CDHR2: variants seen among roughly 807,000 people sequenced by gnomAD.
CDHR2 encodes the protein cadherin-related family member 2.
A neutral mutation model predicts 138.6 loss-of-function variants in CDHR2; 104 were observed. That is an observed-to-expected ratio of 0.75 (90% confidence interval 0.64 to 0.88). CDHR2 has a LOEUF of 0.88. Ranked by LOEUF, CDHR2 falls within the 40% of genes least tolerant of loss-of-function variation. CDHR2 has a pLI of 0.00. For missense variants in CDHR2, 1,624 were observed against 1,727.6 expected (o/e 0.94, Z 1.06); for synonymous variants, 755 against 742.8 (o/e 1.02, Z -0.27).
chr5:176,551,191 T>C (rs887402986), intron 1 of CDHR2, among the ~76,000 whole-genome samples: 4 of 152,028 alleles, frequency 2.6e-5, no homozygotes, highest in Admixed American at 2.0e-4. Context: ...TTTTGTGAGA[T>C]GGAGTCTTGC....
At chr5:176,585,144 G>A in intron 19 of CDHR2, 129 bp downstream of exon 19, 1 of 1,172,438 alleles carries the variant, frequency 8.5e-7, no homozygotes, top group Non-Finnish European at 1.2e-6. Context: ...GCAAATACTG[G>A]GAAAGTCCCA....
chr5:176,560,495 G>A lies in CDHR2; in HGVS notation c.-15-4843G>A, dbSNP rs150879535. ...TAGTCCTCATCTCTTGCAGGAAGGA[G>A]TGTCAAAAGATCTGTGGTCATGTTT... On this transcript the variant is annotated intron_variant, in intron 1 of 31. Transcript: ENST00000261944. Among the ~76,000 whole-genome samples, 27 of 152,198 alleles carry A rather than the reference G, an allele frequency of 1.8e-4. No homozygotes were observed. The East Asian group carries it at 3.1e-3, about 17-fold the overall frequency.
chr5:176,553,513 C>T lies in CDHR2; in HGVS notation c.-16+4099C>T, dbSNP rs556164040. On this transcript the variant is annotated intron_variant, in intron 1 of 31. Coordinates refer to ENST00000261944, the MANE Select transcript of CDHR2 (RefSeq NM_017675.6). This position sits in a 1 kb window ranked among gnomAD's most constrained non-coding sequence, Gnocchi z 4.3. ...ATCTTGATACCTGCTGGCTGCACAC[C>T]TAGTGACTAATTGTCCCGTGGCAGT... is the stretch of plus-strand genomic sequence containing the variant. Among the ~76,000 whole-genome samples the T allele has an allele frequency of 1.3e-5, 2 of 152,270 alleles. No individual in the cohort carries two copies. The highest frequency in any genetic ancestry group is 4.8e-5 in the African/African-American group (2 of 41,528).
At chr5:176,586,660 A>G (rs1758676206) in intron 20 of CDHR2, 133 bp from the exon 21 acceptor site, 3 of 730,612 alleles carry the variant, frequency 4.1e-6, no homozygotes, top group Non-Finnish European at 2.3e-6. Context: ...GGTGGCTGTA[A>G]TAGGGGTCTC....
upstream of CDHR2, chr5:176,547,757 G>A (rs1172798594): frequency 1.3e-5 from 2 of 152,180 alleles, no homozygotes; most frequent in African/African-American, 4.8e-5. Context: ...CCTCAATTCA[G>A]GCGTAGATTA....
At chr5:176,542,748 G>C (rs1317588120) in exon 1 of CDHR2, 1 of 152,316 alleles carries the variant, frequency 6.6e-6, no homozygotes, top group African/African-American at 2.4e-5. Flanking sequence ...GGACCCCGCA[G>C]CGTTCCGACA....
upstream of CDHR2, among the ~76,000 whole-genome samples, chr5:176,546,400 C>T (rs1197350933): frequency 2.6e-5 from 4 of 152,046 alleles, no homozygotes; most frequent in Admixed American, 1.3e-4. Context: ...CATGCCCCCA[C>T]GAAAACTAAC....
At chr5:176,560,566 C>T (rs779868744) in intron 1 of CDHR2, among the ~76,000 whole-genome samples, 42 of 152,198 alleles carry the variant, frequency 2.8e-4, no homozygotes, top group Admixed American at 3.9e-4. Flanking sequence ...ACTCTCATCA[C>T]GCCCACATCC....
chr5:176,575,701 T>C, intron 10 of CDHR2, 23 bp from the exon 11 acceptor site: 1 of 1,591,308 alleles, frequency 6.3e-7, no homozygotes, highest in Non-Finnish European at 8.6e-7. Context: ...CTGTTCCAGC[T>C]GTTCCGCCTT....
intron 10 of CDHR2, 41 bp downstream of exon 10, chr5:176,575,622 C>T (rs2113298092): frequency 6.2e-7 from 1 of 1,608,164 alleles, no homozygotes; most frequent in Non-Finnish European, 8.5e-7. Flanking sequence ...GGGCCGGGGC[C>T]AGGGTGGGGT....
chr5:176,542,595 G>A (rs1757474973), exon 1 of CDHR2: 1 of 152,186 alleles, frequency 6.6e-6, no homozygotes, highest in Non-Finnish European at 1.5e-5. Context: ...AGGAAGACAA[G>A]TCTACCCGAA....
Position 176,581,354 on chromosome 5 carries a change from T to C in CDHR2, c.1830T>C (p.Asn610=). 5 of 1,613,386 alleles carry C rather than the reference T, an allele frequency of 3.1e-6. No homozygotes were observed. The highest frequency in any genetic ancestry group is 2.5e-6 in the Non-Finnish European group (3 of 1,179,982). ...GCTTACGTGCACAGGCCCACGACAA[T>C]GATGAGCCGGGCACCAACAACAGCC... ...NVSVTIQAHD[N]DEPGTNNSRL... is the part of the protein sequence containing the mutation. The change falls in exon 17 of 32, where the codon AAT becomes AAC. Residue 610 remains asparagine (N), a synonymous_variant. Transcript: ENST00000261944.
At position 176,573,114 on chromosome 5, in the gene CDHR2, C is replaced by T. The variant is rs199590519; in HGVS notation, c.406-969C>T. On this transcript the variant is annotated intron_variant, in intron 6 of 31. Coordinates refer to ENST00000261944, the MANE Select transcript of CDHR2 (RefSeq NM_017675.6). ...GGGGATGCTCCAGGAAGGGGTGCTC[C>T]AGGCAGGGGGAACAACAGGTGCAAA... 5.9e-5 allele frequency among the ~76,000 whole-genome samples: 9 copies of T among 152,194 alleles called. No individual in the cohort carries two copies. The East Asian group carries it at 1.7e-3, about 29-fold the overall frequency.
In CDHR2 at chr5:176,553,556, A is replaced by G. The variant is rs1355145156; in HGVS notation, c.-16+4142A>G. Among the ~76,000 whole-genome samples, 2 of 152,142 alleles carry G rather than the reference A, an allele frequency of 1.3e-5. No homozygotes were observed. Among genetic ancestry groups the G allele is most frequent in the African/African-American group, 4.8e-5 (2 of 41,420 alleles). ...GTGGCAGTTGACTCATTTCTGAAGG[A>G]CAGAACATGAGAGAAAAAAGTGAGG... On this transcript the variant is annotated intron_variant, in intron 1 of 31. Coordinates refer to ENST00000261944, the MANE Select transcript of CDHR2 (RefSeq NM_017675.6). This position sits in a 1 kb window ranked among gnomAD's most constrained non-coding sequence, Gnocchi z 4.3.
Position 176,576,280 on chromosome 5 carries a change from T to C in CDHR2, c.1194+95T>C. On this transcript the variant is annotated intron_variant, in intron 12 of 31. Transcript: ENST00000261944. The surrounding 1 kb of genome is among the most constrained non-coding windows in gnomAD (Gnocchi z 4.5). ...GGTGTCATGTGGTGCTGGGTGGCGG[T>C]GCTGGTGGTGCAGGGTGTGATGGCG... 1.0e-6 allele frequency: 1 copy of C among 974,390 alleles called. No homozygotes were observed. The highest frequency in any genetic ancestry group is 1.5e-6 in the Non-Finnish European group (1 of 649,838). The allele number at this position is 974,390 out of a possible 1,614,324, so 60.4% of individuals were successfully genotyped here. A position where few individuals can be genotyped will look rare whatever the true frequency, so the allele number is the denominator to read the frequency against.
chr5:176,573,714 C>G (rs73806010), intron 6 of CDHR2, among the ~76,000 whole-genome samples: 3 of 152,082 alleles, frequency 2.0e-5, no homozygotes, highest in African/African-American at 2.4e-5. Flanking sequence ...CCCAAAGAAG[C>G]CTCCAGCTCT....
At chr5:176,545,681 G>A (rs1029651341), upstream of CDHR2, among the ~76,000 whole-genome samples, 1 of 152,200 alleles carries the variant, frequency 6.6e-6, no homozygotes, top group African/African-American at 2.4e-5. Flanking sequence ...CCTTGCCCAA[G>A]CCCCCAGCAG....
chr5:176,549,333 C>G (rs1229676514), upstream of CDHR2: 1 of 152,476 alleles, frequency 6.6e-6, no homozygotes, highest in Non-Finnish European at 1.5e-5. Flanking sequence ...GGCCACATAG[C>G]TGCAGGCCGC....
intron 1 of CDHR2, 142 bp from the exon 2 acceptor site, chr5:176,565,196 T>C: frequency 1.6e-6 from 1 of 644,620 alleles, no homozygotes; most frequent in South Asian, 1.9e-5. Flanking sequence ...ATCTGGAAAA[T>C]GGACAGAGGG....
Sources: allele counts gnomAD v4.1 joint callset (sites outside exome capture counted in the v4.1 genomes callset), GRCh38; gene constraint gnomAD v4.1.1; non-coding constraint Gnocchi (gnomAD v3.1); transcripts MANE v1.5; gene names NCBI Gene and HGNC (gene_info 2026-07-23, HGNC 2026-07-21).